Variants in COL6A3 observed in about 807,000 individuals in gnomAD.
The protein encoded by COL6A3 is collagen type VI alpha 3 chain, also known as collagen alpha-3(VI) chain.
A neutral mutation model predicts 274.1 loss-of-function variants in COL6A3; 137 were observed. The ratio of observed to expected loss-of-function variants is 0.50; its 90% CI spans 0.44 to 0.58. COL6A3 has a LOEUF of 0.58. Ranked by LOEUF, COL6A3 falls within the 20% of genes least tolerant of loss-of-function variation. COL6A3 has a pLI of 0.00. For missense variants in COL6A3, 3,950 were observed against 4,124.9 expected, an observed-to-expected ratio of 0.96 and a Z score of 1.16; for synonymous variants, 1,650 against 1,650.6, an observed-to-expected ratio of 1.00 and a Z score of 0.01.
intron 4 of COL6A3, chr2:237,386,438 C>A (rs920505726): frequency 6.6e-6 from 1 of 152,184 alleles, no homozygotes; most frequent in Non-Finnish European, 1.5e-5. Flanking sequence ...AAAGCAGTAT[C>A]TTATTACAAT....
chr2:237,376,657 C>A (rs1488017317), intron 7 of COL6A3, 115 bp downstream of exon 7: 2 of 1,037,928 alleles, frequency 1.9e-6, no homozygotes, highest in African/African-American at 1.6e-5. Context: ...TAATTTTCCA[C>A]CTTTCCTGTA....
chr2:237,345,005 A>C, intron 34 of COL6A3, 53 bp from the exon 35 acceptor site: 1 of 1,614,206 alleles, frequency 6.2e-7, no homozygotes, highest in Non-Finnish European at 8.5e-7. Context: ...ACCATGTGAG[A>C]ATTTCGAATG....
At chr2:237,355,753 C>T (rs58471962) in intron 23 of COL6A3, 15,178 of 152,252 alleles carry the variant, frequency 0.1, 959 homozygotes, top group East Asian at 0.24. Flanking sequence ...CAGTGATCTG[C>T]GGTGACCAGT....
rs960110452 is a variant in COL6A3, at chr2:237,344,073, G to C, written c.7668+277C>G. 7 of 527,534 alleles carry C rather than the reference G, an allele frequency of 1.3e-5. No individual in the cohort carries two copies. Among genetic ancestry groups the C allele is most frequent in the East Asian group, 1.1e-4 (3 of 28,398 alleles). The allele number at this position is 527,534 out of a possible 1,614,324, so 32.7% of individuals were successfully genotyped here. A position where few individuals can be genotyped will look rare whatever the true frequency, so the allele number is the denominator to read the frequency against. On this transcript the variant is annotated intron_variant, in intron 36 of 43. Coordinates refer to ENST00000295550, the MANE Select transcript of COL6A3 (RefSeq NM_004369.4). This position sits in a 1 kb window ranked among gnomAD's most constrained non-coding sequence, Gnocchi z 4.8. ...TCACACCACCTTGTTAGTAGATAGA[G>C]AGTGTCACCAACACTAGCATCACTA...
chr2:237,361,286 G>A lies in COL6A3; in HGVS notation c.6157-112C>T. On this transcript the variant is annotated intron_variant, in intron 15 of 43. Transcript: ENST00000295550. This position sits in a 1 kb window ranked among gnomAD's most constrained non-coding sequence, Gnocchi z 5.1. ...CAGAGCAGCACTAAAACTCAGCATG[G>A]CTTTCCCTGTTACTGCTTTTCCCCT... 2 of 918,978 alleles carry A rather than the reference G, an allele frequency of 2.2e-6. No homozygotes were observed. The highest frequency in any genetic ancestry group is 3.6e-6 in the Non-Finnish European group (2 of 562,128). 56.9% of individuals were successfully genotyped at this position (918,978 alleles called of 1,614,324 possible). A position where few individuals can be genotyped will look rare whatever the true frequency, so the allele number is the denominator to read the frequency against.
In COL6A3 at chr2:237,368,701, T is replaced by C; in HGVS notation, c.4762A>G (p.Asn1588Asp). The change falls in exon 10 of 44, where the codon AAT becomes GAT. Residue 1588 changes from asparagine (N) to aspartate (D), a missense_variant. Asn to Asp is a conservative substitution (Grantham distance 23). This residue lies in a region of COL6A3 where 632 missense variants were observed against 623.4 expected (regional missense o/e 1.01). Coordinates refer to ENST00000295550, the MANE Select transcript of COL6A3 (RefSeq NM_004369.4). This position sits in a 1 kb window ranked among gnomAD's most constrained non-coding sequence, Gnocchi z 4.4. ...ACTGTGAAGACCAGTCTGGGGTCAT[T>C]GGTGATGGTCTGCAGCTCTGTTCTG... is the stretch of plus-strand genomic sequence containing the variant. ...IDRTELQTIT[N>D]DPRLVFTVRE... The C allele has an allele frequency of 6.2e-7, 1 of 1,614,122 alleles. No individual in the cohort carries two copies. The highest frequency in any genetic ancestry group is 8.5e-7 in the Non-Finnish European group (1 of 1,180,014).
chr2:237,334,941 T>C, intron 40 of COL6A3, 52 bp from the exon 41 acceptor site: 1 of 1,602,538 alleles, frequency 6.2e-7, no homozygotes, highest in South Asian at 1.1e-5. Context: ...TCCATGACTG[T>C]AGTGCATGAG....
chr2:237,335,073 A>G (rs1405103090), intron 40 of COL6A3, among the ~76,000 whole-genome samples, 184 bp from the exon 41 acceptor site: 1 of 152,214 alleles, frequency 6.6e-6, no homozygotes, highest in Non-Finnish European at 1.5e-5. Flanking sequence ...CTATCAGCAT[A>G]CATGAAATGT....
intron 42 of COL6A3, among the ~76,000 whole-genome samples, chr2:237,330,613 C>G (rs1436463542): frequency 6.6e-6 from 1 of 152,148 alleles, no homozygotes; most frequent in East Asian, 1.9e-4. Flanking sequence ...GGCCTGTTAA[C>G]AGAATCAACC....
At position 237,359,091 on chromosome 2, in the gene COL6A3, GC is replaced by G. The variant is rs748930292; in HGVS notation, c.6355-4del. ...GAACCAGGCAATCCTTTGTCTCCCT[GC>G]CAAAGACAAGGATTAAAGGTCACAC... On this transcript the variant is annotated splice_region_variant and splice_polypyrimidine_tract_variant and intron_variant, in intron 19 of 43. Transcript: ENST00000295550. The G allele has an allele frequency of 3.7e-6, 6 of 1,614,030 alleles. No homozygotes were observed. The highest frequency in any genetic ancestry group is 5.1e-6 in the Non-Finnish European group (6 of 1,179,942).
intron 4 of COL6A3, 112 bp from the exon 5 acceptor site, chr2:237,381,611 A>G (rs955861683): frequency 7.7e-6 from 7 of 908,186 alleles, no homozygotes; most frequent in South Asian, 5.7e-5. Context: ...ACTGTGGCCA[A>G]CGTGACCACA....
chr2:237,384,955 A>G (rs2078108487), intron 4 of COL6A3, among the ~76,000 whole-genome samples: 1 of 152,010 alleles, frequency 6.6e-6, no homozygotes, highest in Non-Finnish European at 1.5e-5. Context: ...CTGGGAAGGG[A>G]CTAAGTGCCT....
chr2:237,380,557 G>A (rs550640147), intron 5 of COL6A3, among the ~76,000 whole-genome samples: 107 of 152,216 alleles, frequency 7.0e-4, no homozygotes, highest in Non-Finnish European at 1.3e-3. Context: ...CTACATCCTG[G>A]TGATGAGGAG....
Position 237,394,857 on chromosome 2 carries a change from C to T in COL6A3, c.439G>A (p.Val147Ile), listed in dbSNP as rs536452909. 64 of 1,613,290 alleles carry T rather than the reference C, an allele frequency of 4.0e-5. No homozygotes were observed. The highest frequency in any genetic ancestry group is 8.9e-5 in the East Asian group (4 of 44,892). ...TTCGAGTGTCCATCAGTTAACACTA[C>T]GATAACCTGAGGGACTCCGTCACCG... ...RAGDGVPQVI[V>I]VLTDGHSKDG... is the part of the protein sequence containing the mutation. Residue 147 changes from valine to isoleucine, a missense_variant, in exon 3 of 44, where the codon GTA becomes ATA. This residue lies in a region of COL6A3 where 1,934 missense variants were observed against 1,984.3 expected (regional missense o/e 0.97). Coordinates refer to ENST00000295550, the MANE Select transcript of COL6A3 (RefSeq NM_004369.4).
rs182643091 is a variant in COL6A3 at position 237,382,770 on chromosome 2, C to T, written c.1313-1271G>A. ...AAGAACTTTCTAAGAATCAGAGCTA[C>T]CTTCTAGAACATATTTTTATTTTTA... On this transcript the variant is annotated intron_variant, in intron 4 of 43. Transcript: ENST00000295550. 2.6e-5 allele frequency among the ~76,000 whole-genome samples: 4 copies of T among 152,254 alleles called. No individual in the cohort carries two copies. The East Asian group carries it at 5.8e-4, about 22-fold the overall frequency.
chr2:237,384,968 T>G (rs117181500), intron 4 of COL6A3, among the ~76,000 whole-genome samples: 1,847 of 152,206 alleles, frequency 0.012, 66 homozygotes, highest in Admixed American at 0.059. Context: ...AAGTGCCTTC[T>G]TGTTGCAGGG....
chr2:237,412,777 C>T (rs1436016982), intron 1 of COL6A3, among the ~76,000 whole-genome samples: 1 of 152,182 alleles, frequency 6.6e-6, no homozygotes, highest in African/African-American at 2.4e-5. Flanking sequence ...GAGCTCTGAG[C>T]ACCCTGCAGC....
intron 4 of COL6A3, 30 bp downstream of exon 4, chr2:237,387,552 C>A (rs371452602): frequency 9.9e-6 from 16 of 1,613,550 alleles, no homozygotes; most frequent in African/African-American, 1.3e-5. Context: ...CACCCCACTC[C>A]CACACAGATG....
At chr2:237,409,260 T>G (rs1407947244) in intron 1 of COL6A3, among the ~76,000 whole-genome samples, 7 of 152,200 alleles carry the variant, frequency 4.6e-5, no homozygotes, top group Non-Finnish European at 8.8e-5. Context: ...TTAGTCATTT[T>G]TTTAATATTC....
Sources: gnomAD v4.1 joint callset for allele counts (sites outside exome capture counted in the v4.1 genomes callset) on GRCh38, gnomAD v4.1.1 for gene constraint, gnomAD v4.1.1 regional missense constraint, Gnocchi (gnomAD v3.1) non-coding constraint, MANE v1.5 for transcripts, NCBI Gene and HGNC (gene_info 2026-07-23, HGNC 2026-07-21) for gene names.